The following CRHR1 variants were observed in gnomAD, a reference collection of about 807,000 sequenced individuals.
The protein encoded by CRHR1 is corticotropin releasing hormone receptor 1, also known as corticotropin-releasing hormone receptor 1.
A neutral mutation model predicts 56.0 loss-of-function variants in CRHR1; 28 were observed. That is an observed-to-expected ratio of 0.50 (90% CI 0.37 to 0.69). The LOEUF is 0.69. CRHR1 is among the 30% of genes least tolerant of loss of function. CRHR1 has a pLI of 0.00. For synonymous variants in CRHR1, 195 were observed against 216.5 expected, an observed-to-expected ratio of 0.90 and a Z score of 0.87; for missense variants, 376 against 548.0, an observed-to-expected ratio of 0.69 and a Z score of 3.13.
intron 1 of CRHR1, among the ~76,000 whole-genome samples, chr17:45,803,378 T>A (rs2061658162): frequency 6.6e-6 from 1 of 152,090 alleles, no homozygotes; most frequent in African/African-American, 2.4e-5. Flanking sequence ...CTTTCTTTTT[T>A]ATTTATTTTA....
chr17:45,792,356 G>C (rs1242846732), intron 1 of CRHR1, among the ~76,000 whole-genome samples: 1 of 152,082 alleles, frequency 6.6e-6, no homozygotes, highest in African/African-American at 2.4e-5. Flanking sequence ...CTGGCCAGGT[G>C]CGCCATTTAC....
At chr17:45,818,973 C>A (rs78487981) in intron 3 of CRHR1, among the ~76,000 whole-genome samples, 1 of 152,160 alleles carries the variant, frequency 6.6e-6, no homozygotes, top group African/African-American at 2.4e-5. Context: ...TCTTTCGGAT[C>A]ACCTCCTTTC....
intron 10 of CRHR1, 21 bp from the exon 11 acceptor site, chr17:45,833,693 T>TGGGGGGGGGCCGC: frequency 6.4e-7 from 1 of 1,571,618 alleles, no homozygotes; most frequent in Non-Finnish European, 8.7e-7. Context: ...ACTCCGAGCC[T>TGGGGGGGGGCCGC]CCCCACCCGC....
chr17:45,785,750 A>T (rs1410535424), intron 1 of CRHR1, among the ~76,000 whole-genome samples: 3 of 152,182 alleles, frequency 2.0e-5, no homozygotes, highest in Admixed American at 2.0e-4. Context: ...CAAGATTTTT[A>T]AATGCAGCAG....
In CRHR1 at chr17:45,830,913, T is replaced by A; in HGVS notation, c.743T>A (p.Ile248Asn). ...TTCCCCATCATTGTGGCCTGGGCCA[T>A]TGGGAAGCTGTACTACGACAATGAG... ...VPFPIIVAWA[I>N]GKLYYDNEKC... The change falls in exon 8 of 13, where the codon ATT (isoleucine) becomes AAT (asparagine). Residue 248 changes from isoleucine (I) to asparagine (N), a missense_variant. Ile to Asn is a moderately radical substitution (Grantham distance 149). Around this residue, in one of 2 missense-constraint regions of CRHR1, gnomAD observed 369 missense variants for 519.5 expected, o/e 0.71. Transcript: ENST00000314537. 6.2e-7 allele frequency: 1 copy of A among 1,613,842 alleles called. No individual in the cohort carries two copies. Among genetic ancestry groups the A allele is most frequent in the Non-Finnish European group, 8.5e-7 (1 of 1,179,898 alleles).
At chr17:45,803,289 A>G (rs2061657021) in intron 1 of CRHR1, among the ~76,000 whole-genome samples, 1 of 152,242 alleles carries the variant, frequency 6.6e-6, no homozygotes, top group African/African-American at 2.4e-5. Context: ...CACGAAGCAC[A>G]GCTTAAGGAT....
chr17:45,801,070 T>C (rs1182189094), intron 1 of CRHR1, among the ~76,000 whole-genome samples: 1 of 152,216 alleles, frequency 6.6e-6, no homozygotes, highest in Non-Finnish European at 1.5e-5. Context: ...ACACTGGGAA[T>C]TGGGATGGCA....
chr17:45,807,843 G>A (rs1450782964), intron 2 of CRHR1, among the ~76,000 whole-genome samples: 1 of 152,212 alleles, frequency 6.6e-6, no homozygotes, highest in Non-Finnish European at 1.5e-5. Context: ...GTACAGTTGA[G>A]GAAACTGAGG....
intron 1 of CRHR1, among the ~76,000 whole-genome samples, chr17:45,803,328 G>A (rs2061657533): frequency 6.6e-6 from 1 of 152,118 alleles, no homozygotes; most frequent in African/African-American, 2.4e-5. Context: ...GTCAGGCAAT[G>A]GGGCTGATAT....
intron 2 of CRHR1, among the ~76,000 whole-genome samples, chr17:45,814,811 C>T (rs2061894471): frequency 6.6e-6 from 1 of 152,264 alleles, no homozygotes. Flanking sequence ...TGGGCTTGGC[C>T]CACTCCAGCC....
intron 4 of CRHR1, among the ~76,000 whole-genome samples, chr17:45,828,320 G>C (rs2062211734): frequency 6.6e-6 from 1 of 152,194 alleles, no homozygotes; most frequent in Non-Finnish European, 1.5e-5. Flanking sequence ...TGGTTTTGGA[G>C]TTGCGCGACC....
chr17:45,798,578 C>T (rs4792883), intron 1 of CRHR1, among the ~76,000 whole-genome samples: 23,418 of 150,424 alleles, frequency 0.16, 2,798 homozygotes, highest in African/African-American at 0.33. Flanking sequence ...AGGGAGCTTA[C>T]AACTCAAGCT....
rs2061731000 is a variant in CRHR1, at chr17:45,806,952, A to C, written c.34-58A>C. On this transcript the variant is annotated intron_variant, in intron 1 of 12. Transcript: ENST00000314537. Reference sequence around the variant, plus strand: ...CTGCAGTTTTCCTGGGTGATGGAGCAACATGCTCATGGCTCATGGCACCTG... The same window carrying C: ...CTGCAGTTTTCCTGGGTGATGGAGCCACATGCTCATGGCTCATGGCACCTG... 2.6e-5 allele frequency: 39 copies of C among 1,506,338 alleles called. No homozygotes were observed. In the South Asian group the frequency reaches 4.4e-4, roughly 17 times the overall value. 93.3% of individuals were successfully genotyped at this position (1,506,338 alleles called of 1,614,324 possible). A position where few individuals can be genotyped will look rare whatever the true frequency, so the allele number is the denominator to read the frequency against.
chr17:45,815,970 A>G (rs1410417572), intron 2 of CRHR1, among the ~76,000 whole-genome samples: 3 of 152,204 alleles, frequency 2.0e-5, no homozygotes, highest in African/African-American at 7.2e-5. Context: ...GGCCAACTTC[A>G]TTTAGCTGAT....
At chr17:45,833,059 T>TGGGGAGGAGGA in intron 8 of CRHR1, 79 bp from the exon 9 acceptor site, 1 of 1,309,162 alleles carries the variant, frequency 7.6e-7, no homozygotes, top group South Asian at 1.2e-5. Flanking sequence ...AGTCCTGTCC[T>TGGGGAGGAGGA]GGCCAAGCAC....
intron 1 of CRHR1, chr17:45,799,441 A>G (rs564767834): frequency 6.6e-6 from 1 of 152,200 alleles, no homozygotes; most frequent in Admixed American, 6.5e-5. Flanking sequence ...AGAAATCTTC[A>G]TTTATGACCT....
chr17:45,786,636 CTTTT>C (rs34895436), intron 1 of CRHR1, among the ~76,000 whole-genome samples: 1 of 108,400 alleles, frequency 9.2e-6, no homozygotes, highest in African/African-American at 3.5e-5. Flanking sequence ...AGAAAATATC[CTTTT>C]TTTTTTTTTT....
intron 1 of CRHR1, among the ~76,000 whole-genome samples, chr17:45,789,638 A>G (rs971541027): frequency 6.6e-6 from 1 of 152,216 alleles, no homozygotes; most frequent in African/African-American, 2.4e-5. Flanking sequence ...TCAGCCTCCC[A>G]AAGTGTAGGG....
chr17:45,806,189 G>A (rs560771313), intron 1 of CRHR1, among the ~76,000 whole-genome samples: 1 of 152,318 alleles, frequency 6.6e-6, no homozygotes, highest in South Asian at 2.1e-4. Context: ...GTGTGGGTGG[G>A]TTTAGTTGAA....
Sources: allele counts gnomAD v4.1 joint callset (sites outside exome capture counted in the v4.1 genomes callset), GRCh38; gene constraint gnomAD v4.1.1; regional missense constraint gnomAD v4.1.1; transcripts MANE v1.5; gene names NCBI Gene and HGNC (gene_info 2026-07-23, HGNC 2026-07-21).